FAT4: variants seen among roughly 807,000 people sequenced by gnomAD.
FAT4 encodes FAT atypical cadherin 4.
FAT4 carries 84 observed loss-of-function variants against 303.9 expected under a neutral mutation model. That is an observed-to-expected ratio of 0.28 (90% CI 0.23 to 0.33). The LOEUF (loss-of-function observed/expected upper bound fraction) is 0.33. Among genes scored for constraint, FAT4 ranks in the 10% least tolerant of loss-of-function variants. FAT4 has a pLI of 1.00. For synonymous variants in FAT4, 2,307 were observed against 2,298.8 expected, an observed-to-expected ratio of 1.00 and a Z score of -0.10; for missense variants, 6,005 against 6,146.8, an observed-to-expected ratio of 0.98 and a Z score of 0.77.
At chr4:125,442,321 T>C (rs549406460) in intron 8 of FAT4, among the ~76,000 whole-genome samples, 181 of 152,288 alleles carry the variant, frequency 1.2e-3, no homozygotes, top group Non-Finnish European at 1.6e-3. Context: ...AATTACCTTT[T>C]TTTTATATCT....
intron 2 of FAT4, among the ~76,000 whole-genome samples, chr4:125,398,480 G>A (rs1224656103): frequency 6.6e-6 from 1 of 152,128 alleles, no homozygotes; most frequent in Non-Finnish European, 1.5e-5. Context: ...GTTCCATAGT[G>A]ATGTGCAAAT....
intron 2 of FAT4, among the ~76,000 whole-genome samples, chr4:125,362,191 TTTTTGATTAAAAGCG>T (rs893901935): frequency 3.3e-5 from 5 of 152,242 alleles, no homozygotes; most frequent in African/African-American, 1.2e-4. Context: ...ATTATCATGG[TTTTTGATTAAAAGCG>T]TATGTGTGTG....
rs1335777826 is a variant in FAT4, at chr4:125,319,105, G to A, written c.2694G>A (p.Glu898=). ...CTCCCCATTTCCTTCAGGCAATAGA[G>A]AGTGTAAATGTGGTGGAGAATTGGC... ...DNSPHFLQAI[E]SVNVVENWQA... Residue 898 remains glutamate, a synonymous_variant, in exon 2 of 18, where the codon GAG becomes GAA. Coordinates refer to ENST00000394329, the MANE Select transcript of FAT4 (RefSeq NM_001291303.3). 1.9e-6 allele frequency: 3 copies of A among 1,614,034 alleles called. No individual in the cohort carries two copies. Among genetic ancestry groups the A allele is most frequent in the African/African-American group, 2.7e-5 (2 of 74,920 alleles).
At chr4:125,472,289 T>C (rs1726892187) in intron 12 of FAT4, among the ~76,000 whole-genome samples, 1 of 152,182 alleles carries the variant, frequency 6.6e-6, no homozygotes, top group Admixed American at 6.6e-5. Flanking sequence ...TGACAACTTA[T>C]ATAGTCCTTA....
At chr4:125,335,101 G>A (rs1266293277) in intron 2 of FAT4, among the ~76,000 whole-genome samples, 1 of 152,114 alleles carries the variant, frequency 6.6e-6, no homozygotes, top group Non-Finnish European at 1.5e-5. Context: ...TTTCTCTGTA[G>A]GACAAGACAG....
chr4:125,424,065 T>C lies in FAT4; in HGVS notation c.7018+7443T>C, dbSNP rs577427363. Among the ~76,000 whole-genome samples, 3 of 152,298 alleles carry C rather than the reference T, an allele frequency of 2.0e-5. No individual in the cohort carries two copies. The East Asian group carries it at 5.8e-4, about 29-fold the overall frequency. ...CAGATAAGACTTTGGACTTGGACTT[T>C]TGAGTTAATGCTGAAATAAGTTAAG... On this transcript the variant is annotated intron_variant, in intron 7 of 17. Transcript: ENST00000394329.
chr4:125,321,178 G>A lies in FAT4; in HGVS notation c.4767G>A (p.Ala1589=), dbSNP rs1333560320. 6.2e-6 allele frequency: 10 copies of A among 1,614,010 alleles called. No homozygotes were observed. The African/African-American group carries it at 6.7e-5, about 11-fold the overall frequency. ...GTGGAGACCTGAGAGTGGCTTCAGC[G>A]TTGGTGCCTTCACAGTTGATCTACA... ...RYSGDLRVAS[A]LVPSQLIYNL... The change falls in exon 2 of 18, where the codon GCG becomes GCA. Residue 1589 remains alanine (A), a synonymous_variant. Transcript: ENST00000394329.
chr4:125,358,570 G>A (rs1031898079), intron 2 of FAT4, among the ~76,000 whole-genome samples: 1 of 152,068 alleles, frequency 6.6e-6, no homozygotes, highest in Admixed American at 6.6e-5. Flanking sequence ...GTGCTCCTAT[G>A]AGAATCTAAT....
At chr4:125,412,514 T>C (rs949495202) in intron 5 of FAT4, among the ~76,000 whole-genome samples, 14 of 152,056 alleles carry the variant, frequency 9.2e-5, no homozygotes, top group South Asian at 2.1e-4. Context: ...GTTATACTTT[T>C]AGTTAGCTTA....
At position 125,316,014 on chromosome 4, in the gene FAT4, T is replaced by A. The variant is rs2125937737; in HGVS notation, c.-13+37T>A. ...AGTTTCTGAAGACCGTTCTTTGCAA[T>A]GATTCCTCATATACCTTAGATACAG... is the stretch of plus-strand genomic sequence containing the variant. On this transcript the variant is annotated intron_variant, in intron 1 of 17. Coordinates refer to ENST00000394329, the MANE Select transcript of FAT4 (RefSeq NM_001291303.3). The surrounding 1 kb of genome is among the most constrained non-coding windows in gnomAD (Gnocchi z 5.7). Among the ~76,000 whole-genome samples, 1 of 152,318 alleles carries A rather than the reference T, an allele frequency of 6.6e-6. No individual in the cohort carries two copies. The highest frequency in any genetic ancestry group is 1.9e-4 in the East Asian group (1 of 5,164).
rs1405025212 is a variant in FAT4, at chr4:125,387,428, T to C, written c.5176-11356T>C. Among the ~76,000 whole-genome samples the C allele has an allele frequency of 2.0e-5, 3 of 152,220 alleles. No homozygotes were observed. In the East Asian group the frequency reaches 5.8e-4, roughly 29 times the overall value. Reference sequence around the variant, plus strand: ...ATCATGGGGGCTGCATTGTTTCTTATTGTACTTGTGCCATTATTTTGTTCT... The same window carrying C: ...ATCATGGGGGCTGCATTGTTTCTTACTGTACTTGTGCCATTATTTTGTTCT... On this transcript the variant is annotated intron_variant, in intron 2 of 17. Coordinates refer to ENST00000394329, the MANE Select transcript of FAT4 (RefSeq NM_001291303.3).
At chr4:125,413,290 G>A (rs759633921) in intron 5 of FAT4, among the ~76,000 whole-genome samples, 3 of 151,684 alleles carry the variant, frequency 2.0e-5, no homozygotes, top group Non-Finnish European at 4.4e-5. Context: ...TTTCCTGCGG[G>A]TGAATTGACC....
Position 125,318,255 on chromosome 4 carries a change from A to G in FAT4, c.1844A>G (p.Asn615Ser), listed in dbSNP as rs1346829716. ...GCAACTGACGGGGACCTGGGTGACA[A>G]CGGAACAGTGCGCTTCTCCTTACAA... ...LRATDGDLGD[N>S]GTVRFSLQEA... Residue 615 changes from asparagine to serine, a missense_variant, in exon 2 of 18, where the codon AAC becomes AGC. Coordinates refer to ENST00000394329, the MANE Select transcript of FAT4 (RefSeq NM_001291303.3). 6.2e-7 allele frequency: 1 copy of G among 1,614,182 alleles called. No individual in the cohort carries two copies. Among genetic ancestry groups the G allele is most frequent in the Non-Finnish European group, 8.5e-7 (1 of 1,180,026 alleles).
At chr4:125,460,940 T>A (rs111792462) in intron 10 of FAT4, among the ~76,000 whole-genome samples, 3,778 of 152,186 alleles carry the variant, frequency 0.025, 162 homozygotes, top group African/African-American at 0.087. Context: ...GAATGCAAGG[T>A]TGAATTTGTT....
In FAT4 at chr4:125,317,536, C is replaced by T. The variant is rs966727590; in HGVS notation, c.1125C>T (p.Thr375=). Residue 375 remains threonine, a synonymous_variant, in exon 2 of 18, where the codon ACC becomes ACT. Transcript: ENST00000394329. The surrounding 1 kb of genome is among the most constrained non-coding windows in gnomAD (Gnocchi z 7.0). ...ASVDENAQVG[T]VVALLTVTDA... is the part of the protein sequence containing the mutation. ...TAGATGAGAATGCTCAAGTGGGCAC[C>T]GTGGTGGCTCTGCTCACCGTGACGG... 2.5e-6 allele frequency: 4 copies of T among 1,613,810 alleles called. No homozygotes were observed. The highest frequency in any genetic ancestry group is 1.3e-5 in the African/African-American group (1 of 74,930).
At chr4:125,421,240 CT>C (rs1400380498) in intron 7 of FAT4, among the ~76,000 whole-genome samples, 2 of 152,256 alleles carry the variant, frequency 1.3e-5, no homozygotes, top group African/African-American at 4.8e-5. Context: ...TTCGACAATT[CT>C]TTTATACCTG....
rs1730842320 is a variant in FAT4 at position 125,319,702 on chromosome 4, A to G, written c.3291A>G (p.Arg1097=). The G allele has an allele frequency of 3.7e-6, 6 of 1,613,886 alleles. 1 individual carries two copies. The African/African-American group carries it at 5.3e-5, about 14-fold the overall frequency. The change falls in exon 2 of 18, where the codon AGA becomes AGG. Residue 1097 remains arginine (R), a synonymous_variant. Coordinates refer to ENST00000394329, the MANE Select transcript of FAT4 (RefSeq NM_001291303.3). ...TVILEDVNDN[R]PLFNSTNYTF... is the part of the protein sequence containing the mutation. ...TTTTAGAAGATGTAAATGATAACAG[A>G]CCTCTTTTTAACAGTACCAATTACA...
rs1578657251 is a variant in FAT4, at chr4:125,449,837, T to C, written c.8827T>C (p.Phe2943Leu). 1 of 1,613,946 alleles carries C rather than the reference T, an allele frequency of 6.2e-7. No individual in the cohort carries two copies. The highest frequency in any genetic ancestry group is 8.5e-7 in the Non-Finnish European group (1 of 1,179,906). Residue 2943 changes from phenylalanine (F) to leucine (L), a missense_variant, in exon 10 of 18, where the codon TTC (phenylalanine) becomes CTC (leucine). Phe to Leu is a conservative substitution (Grantham distance 22). Transcript: ENST00000394329. ...CTTAAAATACCAAAATGTCACTGGC[T>C]TCAGTAATGTGAATATCAACAGGCA... ...QILKYQNVTG[F>L]SNVNINRHSF...
chr4:125,445,341 T>C (rs1304572797), intron 8 of FAT4, among the ~76,000 whole-genome samples: 2 of 152,154 alleles, frequency 1.3e-5, no homozygotes, highest in African/African-American at 4.8e-5. Context: ...ATATAGTTTT[T>C]TCCCCTGCAG....
Sources: gnomAD v4.1 joint callset for allele counts (sites outside exome capture counted in the v4.1 genomes callset) on GRCh38, gnomAD v4.1.1 for gene constraint, Gnocchi (gnomAD v3.1) non-coding constraint, MANE v1.5 for transcripts, NCBI Gene and HGNC (gene_info 2026-07-23, HGNC 2026-07-21) for gene names.